SHISA6: variants seen among roughly 807,000 people sequenced by gnomAD.
SHISA6 encodes protein shisa-6.
In SHISA6, 22 loss-of-function variants were observed where a neutral mutation model predicts 47.9. The observed-to-expected ratio is 0.46, with a 90% confidence interval of 0.33 to 0.66. The LOEUF is 0.66. SHISA6 is among the 30% of genes least tolerant of loss of function. The pLI, the probability that SHISA6 is intolerant of heterozygous loss-of-function variation, is 0.02. For missense variants in SHISA6, 680 were observed against 764.6 expected, an observed-to-expected ratio of 0.89 and a Z score of 1.30; for synonymous variants, 388 against 337.8, an observed-to-expected ratio of 1.15 and a Z score of -1.63.
chr17:11,521,782 G>C (rs994092949), intron 3 of SHISA6, among the ~76,000 whole-genome samples: 2 of 152,082 alleles, frequency 1.3e-5, no homozygotes, highest in Non-Finnish European at 2.9e-5. Flanking sequence ...CAGCTTGGGT[G>C]ACAGAGCAAG....
chr17:11,505,928 A>G (rs1339880299), intron 3 of SHISA6, among the ~76,000 whole-genome samples: 2 of 152,222 alleles, frequency 1.3e-5, no homozygotes, highest in Non-Finnish European at 2.9e-5. Context: ...GTATTGGAAT[A>G]GCAGTAGAAT....
intron 3 of SHISA6, among the ~76,000 whole-genome samples, chr17:11,434,076 T>A (rs1914867545): frequency 6.6e-6 from 1 of 150,988 alleles, no homozygotes; most frequent in African/African-American, 2.4e-5. Flanking sequence ...TTTTTTTTTT[T>A]TTTTTGAGAC....
intron 3 of SHISA6, among the ~76,000 whole-genome samples, chr17:11,397,853 A>G (rs1398187692): frequency 2.0e-5 from 3 of 151,950 alleles, no homozygotes; most frequent in African/African-American, 7.2e-5. Context: ...GGCTTTTTTC[A>G]TACGTACCTT....
intron 3 of SHISA6, among the ~76,000 whole-genome samples, chr17:11,524,450 T>A (rs190734251): frequency 1.5e-3 from 228 of 152,122 alleles, no homozygotes; most frequent in African/African-American, 5.3e-3. Flanking sequence ...GGCTTATAGA[T>A]AATTTTATTT....
rs188701318 is a variant in SHISA6 at position 11,548,144 on chromosome 17, T to C, written c.896-3752T>C. 2.6e-3 allele frequency among the ~76,000 whole-genome samples: 395 copies of C among 152,302 alleles called. 1 individual carries two copies. The highest frequency in any genetic ancestry group is 4.6e-3 in the Non-Finnish European group (310 of 68,030). On this transcript the variant is annotated intron_variant, in intron 3 of 5. Transcript: ENST00000441885. ...CTCTCCAAACTTCAGTTTCCTTATCTCTAAACTGGCAATAACAACACAATC... is the reference window on the plus strand; with the variant it reads ...CTCTCCAAACTTCAGTTTCCTTATCCCTAAACTGGCAATAACAACACAATC...
Position 11,320,215 on chromosome 17 carries a change from C to T in SHISA6, c.799+56689C>T, listed in dbSNP as rs188549642. On this transcript the variant is annotated intron_variant, in intron 2 of 5. Coordinates refer to ENST00000441885, the MANE Select transcript of SHISA6 (RefSeq NM_207386.4). ...ACTATTCTGAACCTTAGTTGTATCT[C>T]GACTCTTTTGGGTACATTGTAGATA... Among the ~76,000 whole-genome samples, 6 of 152,252 alleles carry T rather than the reference C, an allele frequency of 3.9e-5. No individual in the cohort carries two copies. The South Asian group carries it at 1.2e-3, about 32-fold the overall frequency.
At chr17:11,246,336 A>G (rs544664827) in intron 1 of SHISA6, among the ~76,000 whole-genome samples, 97 of 152,280 alleles carry the variant, frequency 6.4e-4, no homozygotes, top group African/African-American at 2.2e-3. Context: ...GAAAAACACA[A>G]AAAGTTAGCC....
chr17:11,456,502 C>T (rs1043657872), intron 3 of SHISA6, among the ~76,000 whole-genome samples: 1 of 152,236 alleles, frequency 6.6e-6, no homozygotes, highest in Non-Finnish European at 1.5e-5. Context: ...AGACTCTTCC[C>T]TCCTCTAGCT....
intron 3 of SHISA6, among the ~76,000 whole-genome samples, chr17:11,382,067 G>A (rs539088418): frequency 3.3e-5 from 5 of 150,920 alleles, no homozygotes; most frequent in African/African-American, 4.9e-5. Flanking sequence ...TGGAGATTCC[G>A]TTTTTTAGAG....
intron 3 of SHISA6, among the ~76,000 whole-genome samples, chr17:11,391,893 G>C (rs1227688192): frequency 6.6e-6 from 1 of 152,180 alleles, no homozygotes; most frequent in African/African-American, 2.4e-5. Flanking sequence ...TGTGTTCTCA[G>C]AGCAGTCTAT....
At chr17:11,332,243 G>GAAA (rs145476135) in intron 2 of SHISA6, among the ~76,000 whole-genome samples, 5 of 149,592 alleles carry the variant, frequency 3.3e-5, no homozygotes, top group African/African-American at 9.9e-5. Flanking sequence ...CAGCGTTGGG[G>GAAA]AAAAAAAAAA....
chr17:11,436,067 C>A (rs2142293504), intron 3 of SHISA6, among the ~76,000 whole-genome samples: 2 of 152,248 alleles, frequency 1.3e-5, no homozygotes, highest in South Asian at 2.1e-4. Flanking sequence ...TGAGGGTAAC[C>A]TGCAACCGAA....
At chr17:11,255,555 C>A (rs1907975612) in intron 1 of SHISA6, among the ~76,000 whole-genome samples, 2 of 152,308 alleles carry the variant, frequency 1.3e-5, no homozygotes, top group African/African-American at 2.4e-5. Context: ...GGAAGCAAAT[C>A]CATGGTGACC....
At chr17:11,311,820 G>T (rs966845249) in intron 2 of SHISA6, among the ~76,000 whole-genome samples, 2 of 151,718 alleles carry the variant, frequency 1.3e-5, no homozygotes, top group Non-Finnish European at 2.9e-5. Context: ...CTGTTGCCCA[G>T]GCTGGAGTGC....
chr17:11,419,568 TTG>T (rs1914392941), intron 3 of SHISA6, among the ~76,000 whole-genome samples: 2 of 152,202 alleles, frequency 1.3e-5, no homozygotes, highest in Non-Finnish European at 2.9e-5. Flanking sequence ...GGAAATGCTT[TTG>T]TGTGGCTCTT....
At chr17:11,482,708 A>G (rs1916251548) in intron 3 of SHISA6, among the ~76,000 whole-genome samples, 1 of 152,222 alleles carries the variant, frequency 6.6e-6, no homozygotes, top group Non-Finnish European at 1.5e-5. Flanking sequence ...ATGTAAACAA[A>G]GATAATTAGA....
At chr17:11,273,244 C>T (rs997486203) in intron 2 of SHISA6, among the ~76,000 whole-genome samples, 1 of 152,204 alleles carries the variant, frequency 6.6e-6, no homozygotes, top group African/African-American at 2.4e-5. Context: ...GACCCTAGAG[C>T]TCAAGCCCTG....
chr17:11,480,690 C>T (rs1916188328), intron 3 of SHISA6, among the ~76,000 whole-genome samples: 1 of 152,134 alleles, frequency 6.6e-6, no homozygotes, highest in African/African-American at 2.4e-5. Flanking sequence ...AGAAATGACA[C>T]AGCAATTATG....
intron 3 of SHISA6, among the ~76,000 whole-genome samples, chr17:11,461,836 C>T (rs2142314154): frequency 6.6e-6 from 1 of 152,280 alleles, no homozygotes; most frequent in Admixed American, 6.5e-5. Flanking sequence ...AGCATGCTCT[C>T]CAGCAAGTCC....
Sources: gnomAD v4.1 joint callset for allele counts (sites outside exome capture counted in the v4.1 genomes callset) on GRCh38, gnomAD v4.1.1 for gene constraint, MANE v1.5 for transcripts, NCBI Gene and HGNC (gene_info 2026-07-23, HGNC 2026-07-21) for gene names.